The following DYNC2H1 variants were observed in gnomAD, a reference collection of about 807,000 sequenced individuals.
DYNC2H1 encodes the protein dynein cytoplasmic 2 heavy chain 1.
A neutral mutation model predicts 570.0 loss-of-function variants in DYNC2H1; 410 were observed. The ratio of observed to expected loss-of-function variants is 0.72; its 90% CI spans 0.66 to 0.78. The LOEUF is 0.78. DYNC2H1 is among the 30% of genes least tolerant of loss of function. The probability of loss-of-function intolerance (pLI) is 0.00; values close to 1 mark genes in which losing one functional copy is unlikely to be tolerated. For synonymous variants in DYNC2H1, 1,688 were observed against 1,677.6 expected (o/e 1.01, Z -0.15); for missense variants, 4,865 against 5,046.4 (o/e 0.96, Z 1.09).
Position 103,376,744 on chromosome 11 carries a change from G to A in DYNC2H1, c.12156+18385G>A, listed in dbSNP as rs190978923. On this transcript the variant is annotated intron_variant, in intron 83 of 88. Transcript: ENST00000375735. The stretch of plus-strand genomic sequence containing the variant: ...TACATAGCACTATTAGAGCAATTCC[G>A]TATTCTTTGTTATAAATTAACATCT... 2.0e-3 allele frequency among the ~76,000 whole-genome samples: 296 copies of A among 150,178 alleles called. 3 individuals are homozygous for A. The highest frequency in any genetic ancestry group is 6.5e-3 in the African/African-American group (265 of 40,732).
Position 103,121,381 on chromosome 11 carries a change from T to A in DYNC2H1, c.1370T>A (p.Leu457Ter), listed in dbSNP as rs775123924. The change falls in exon 10 of 89, where the codon TTA becomes TAA. Residue 457 changes from leucine (L) to a stop codon, truncating the protein, a stop_gained. Coordinates refer to ENST00000375735, the MANE Select transcript of DYNC2H1 (RefSeq NM_001377.3). LOFTEE classifies it high-confidence loss of function. ...GATTTAAATTTTATAGATTTTCGAT[T>A]AGACTTTGAGAATCGGTGCCGAGGA... ...RLVDSIKDFR[L>*]DFENRCRGIP... The A allele has an allele frequency of 6.2e-7, 1 of 1,601,544 alleles. No homozygotes were observed. Among genetic ancestry groups the A allele is most frequent in the South Asian group, 1.1e-5 (1 of 87,610 alleles).
chr11:103,233,329 A>G (rs1181755471), intron 60 of DYNC2H1, among the ~76,000 whole-genome samples: 4 of 151,724 alleles, frequency 2.6e-5, no homozygotes, highest in Admixed American at 6.6e-5. Context: ...CACCCTGGGC[A>G]TATTATAAAC....
chr11:103,136,036 C>G (rs570428688), intron 17 of DYNC2H1, 88 bp downstream of exon 17: 1 of 1,091,694 alleles, frequency 9.2e-7, no homozygotes, highest in Non-Finnish European at 1.2e-6. Flanking sequence ...TAATAGTTTA[C>G]CTTGTGTGGC....
At chr11:103,346,892 G>T (rs1939771131) in intron 82 of DYNC2H1, among the ~76,000 whole-genome samples, 1 of 152,076 alleles carries the variant, frequency 6.6e-6, no homozygotes, top group Non-Finnish European at 1.5e-5. Flanking sequence ...TATTATCAAA[G>T]GTTGAATCCA....
At position 103,479,272 on chromosome 11, in the gene DYNC2H1, G is replaced by C. The variant is rs1257734519; in HGVS notation, c.*19G>C. On this transcript the variant is annotated 3_prime_UTR_variant, in exon 89 of 89. Coordinates refer to ENST00000375735, the MANE Select transcript of DYNC2H1 (RefSeq NM_001377.3). ...TCAGTAGAATCTAATGACAACAAAAGCCATCTTCACAAAAGGGAACATTGA... is the reference window on the plus strand; with the variant it reads ...TCAGTAGAATCTAATGACAACAAAACCCATCTTCACAAAAGGGAACATTGA... The C allele has an allele frequency of 1.9e-6, 3 of 1,600,068 alleles. No homozygotes were observed. Among genetic ancestry groups the C allele is most frequent in the Non-Finnish European group, 2.6e-6 (3 of 1,171,892 alleles).
Position 103,199,448 on chromosome 11 carries a change from T to G in DYNC2H1, c.8060T>G (p.Leu2687Arg). ...FSPKISRGYE[L>R]KQFKNDLKHV... ...CCAAAGATTTCCAGAGGATATGAAC[T>G]GAAGCAGTTCAAAAATGATCTCAAA... The change falls in exon 49 of 89, where the codon CTG (leucine) becomes CGG (arginine). Residue 2687 changes from leucine to arginine, a missense_variant. Physicochemically the swap from Leu to Arg is moderately radical, Grantham distance 102. Around this residue, in one of 5 missense-constraint regions of DYNC2H1, gnomAD observed 2,401 missense variants for 2,454.6 expected, o/e 0.98. Transcript: ENST00000375735. The surrounding 1 kb of genome is among the most constrained non-coding windows in gnomAD (Gnocchi z 4.6). The G allele has an allele frequency of 1.3e-6, 2 of 1,593,044 alleles. No individual in the cohort carries two copies. Among genetic ancestry groups the G allele is most frequent in the Non-Finnish European group, 1.7e-6 (2 of 1,168,694 alleles).
chr11:103,171,079 T>A lies in DYNC2H1; in HGVS notation c.5334+11T>A. ...CTGCTTGGCAAGGAGGTATAGAATA[T>A]GTTGGGAATTTAAAGAATTAAAATA... On this transcript the variant is annotated intron_variant, in intron 34 of 88. Transcript: ENST00000375735. 2 of 1,547,662 alleles carry A rather than the reference T, an allele frequency of 1.3e-6. No individual in the cohort carries two copies. The highest frequency in any genetic ancestry group is 1.8e-6 in the Non-Finnish European group (2 of 1,139,610).
intron 83 of DYNC2H1, among the ~76,000 whole-genome samples, chr11:103,386,085 G>A (rs1749382206): frequency 6.6e-6 from 1 of 152,140 alleles, no homozygotes; most frequent in Non-Finnish European, 1.5e-5. Context: ...GAATAATCAT[G>A]CCTTACTTCT....
chr11:103,333,466 G>A (rs535269111), intron 82 of DYNC2H1, among the ~76,000 whole-genome samples: 19 of 152,044 alleles, frequency 1.2e-4, no homozygotes, highest in African/African-American at 3.9e-4. Context: ...GGGTTTCACC[G>A]TGTTAGCCAG....
At chr11:103,320,961 T>C in intron 80 of DYNC2H1, 68 bp from the exon 81 acceptor site, 3 of 1,223,504 alleles carry the variant, frequency 2.5e-6, no homozygotes, top group Non-Finnish European at 3.4e-6. Context: ...GTTATAAATA[T>C]AACTCAAGGC....
intron 83 of DYNC2H1, among the ~76,000 whole-genome samples, chr11:103,359,873 C>G (rs908013423): frequency 1.3e-5 from 2 of 152,010 alleles, no homozygotes; most frequent in Non-Finnish European, 2.9e-5. Context: ...CCATATTAGC[C>G]AAGCTGGTCT....
chr11:103,420,714 G>A (rs1405923543), intron 84 of DYNC2H1, among the ~76,000 whole-genome samples: 2 of 152,150 alleles, frequency 1.3e-5, no homozygotes, highest in Non-Finnish European at 2.9e-5. Context: ...CCTTACAAAA[G>A]CTCCTGCAGG....
chr11:103,154,322 A>G, intron 22 of DYNC2H1, 129 bp from the exon 23 acceptor site: 1 of 679,714 alleles, frequency 1.5e-6, no homozygotes, highest in Admixed American at 4.5e-5. Flanking sequence ...TTCTTATTGT[A>G]TATCTATTAA....
intron 59 of DYNC2H1, among the ~76,000 whole-genome samples, chr11:103,230,984 G>A (rs1863985525): frequency 1.3e-5 from 2 of 152,054 alleles, no homozygotes; most frequent in South Asian, 4.1e-4. Flanking sequence ...GGTTCTAGAA[G>A]GGATAGAAGA....
In DYNC2H1 at chr11:103,134,409, T is replaced by G. The variant is rs960186285; in HGVS notation, c.2195T>G (p.Val732Gly). 1 of 1,610,120 alleles carries G rather than the reference T, an allele frequency of 6.2e-7. No homozygotes were observed. Among genetic ancestry groups the G allele is most frequent in the Non-Finnish European group, 8.5e-7 (1 of 1,177,684 alleles). Residue 732 changes from valine (V) to glycine (G), a missense_variant, in exon 15 of 89, where the codon GTA (valine) becomes GGA (glycine). This residue lies in a region of DYNC2H1 where 1,936 missense variants were observed against 1,962.1 expected (regional missense o/e 0.99). Coordinates refer to ENST00000375735, the MANE Select transcript of DYNC2H1 (RefSeq NM_001377.3). ...LQELRTGLATVEAQGFQASDM... is the reference protein window; with the variant it reads ...LQELRTGLATGEAQGFQASDM... Reference sequence around the variant, plus strand: ...GAATTGAGAACTGGCTTAGCAACTGTAGAAGCACAGGTAGAGTATGTTTTA... The same window carrying G: ...GAATTGAGAACTGGCTTAGCAACTGGAGAAGCACAGGTAGAGTATGTTTTA...
chr11:103,306,613 C>T (rs1439255015), intron 77 of DYNC2H1, among the ~76,000 whole-genome samples: 1 of 151,930 alleles, frequency 6.6e-6, no homozygotes, highest in Non-Finnish European at 1.5e-5. Flanking sequence ...ACATTTTATC[C>T]TTTATAATTT....
chr11:103,425,137 C>T (rs1943621625), intron 84 of DYNC2H1, among the ~76,000 whole-genome samples: 1 of 152,092 alleles, frequency 6.6e-6, no homozygotes, highest in South Asian at 2.1e-4. Context: ...TAGGTACTCA[C>T]CATGTTGGCC....
Position 103,358,375 on chromosome 11 carries a change from T to G in DYNC2H1, c.12156+16T>G. 1 of 1,499,254 alleles carries G rather than the reference T, an allele frequency of 6.7e-7. No homozygotes were observed. The highest frequency in any genetic ancestry group is 9.1e-7 in the Non-Finnish European group (1 of 1,097,156). 92.9% of individuals were successfully genotyped at this position (1,499,254 alleles called of 1,614,324 possible). On this transcript the variant is annotated intron_variant, in intron 83 of 88. Coordinates refer to ENST00000375735, the MANE Select transcript of DYNC2H1 (RefSeq NM_001377.3). ...ACTAAACCAGGTTAGTAGTGGAATA[T>G]TCTTCTGATTCTTTTGCTTTTTCTC...
rs1940764525 is a variant in DYNC2H1, at chr11:103,363,652, T to C, written c.12156+5293T>C. ...ATCATTAGGAAAAACTACCATCATGTTGAAACTGGAATATGGAGATCCTGA... is the reference window on the plus strand; with the variant it reads ...ATCATTAGGAAAAACTACCATCATGCTGAAACTGGAATATGGAGATCCTGA... On this transcript the variant is annotated intron_variant, in intron 83 of 88. Coordinates refer to ENST00000375735, the MANE Select transcript of DYNC2H1 (RefSeq NM_001377.3). The surrounding 1 kb of genome is among the most constrained non-coding windows in gnomAD (Gnocchi z 5.6). Among the ~76,000 whole-genome samples, 1 of 152,210 alleles carries C rather than the reference T, an allele frequency of 6.6e-6. No homozygotes were observed. The highest frequency in any genetic ancestry group is 2.1e-4 in the South Asian group (1 of 4,830).
Sources: allele counts gnomAD v4.1 joint callset (sites outside exome capture counted in the v4.1 genomes callset), GRCh38; gene constraint gnomAD v4.1.1; regional missense constraint gnomAD v4.1.1; non-coding constraint Gnocchi (gnomAD v3.1); transcripts MANE v1.5; gene names NCBI Gene and HGNC (gene_info 2026-07-23, HGNC 2026-07-21).